Variants in CSNK2A1 observed in about 807,000 individuals in gnomAD.
CSNK2A1 encodes the protein casein kinase 2 alpha 1, also known as casein kinase II subunit alpha.
In CSNK2A1, 10 loss-of-function variants were observed where a neutral mutation model predicts 62.9. That is an observed-to-expected ratio of 0.16 (90% confidence interval 0.10 to 0.27). The LOEUF is 0.27. Ranked by LOEUF, CSNK2A1 falls within the 10% of genes least tolerant of loss-of-function variation. CSNK2A1 has a pLI of 1.00. For missense variants in CSNK2A1, 160 were observed against 492.0 expected (o/e 0.33, Z 6.38); for synonymous variants, 124 against 167.8 (o/e 0.74, Z 2.02).
chr20:543,035 C>A (rs1482872989), intron 1 of CSNK2A1: 1 of 152,370 alleles, frequency 6.6e-6, no homozygotes. Context: ...ATACCCTTAG[C>A]CAAGCTTTCT....
intron 2 of CSNK2A1, among the ~76,000 whole-genome samples, chr20:522,313 C>G (rs556319297): frequency 5.3e-5 from 8 of 152,206 alleles, no homozygotes; most frequent in Admixed American, 2.0e-4. Context: ...ACCTGGCAGA[C>G]TTTACTGAAA....
At chr20:485,066 C>CAAAAAAAAAA (rs1157352244) in intron 13 of CSNK2A1, among the ~76,000 whole-genome samples, 1 of 22,026 alleles carries the variant, frequency 4.5e-5, no homozygotes, top group Non-Finnish European at 7.5e-5. Flanking sequence ...ACCTTGTCTC[C>CAAAAAAAAAA]AAAAAAAAAA....
chr20:495,858 T>G, intron 7 of CSNK2A1, 56 bp from the exon 8 acceptor site: 1 of 1,464,844 alleles, frequency 6.8e-7, no homozygotes, highest in Admixed American at 1.7e-5. Flanking sequence ...AAGAGTCCTT[T>G]ACTTTTCCCT....
At chr20:533,409 T>C (rs949586603) in intron 1 of CSNK2A1, among the ~76,000 whole-genome samples, 1 of 152,194 alleles carries the variant, frequency 6.6e-6, no homozygotes, top group African/African-American at 2.4e-5. Context: ...CTTTTATTCC[T>C]ACATACAAAA....
intron 1 of CSNK2A1, among the ~76,000 whole-genome samples, chr20:531,621 T>C (rs1568565299): frequency 6.6e-6 from 1 of 152,098 alleles, no homozygotes; most frequent in Non-Finnish European, 1.5e-5. Flanking sequence ...ATCTGTAAAC[T>C]CCAGCAAAAT....
chr20:502,637 A>G (rs1215690676), intron 4 of CSNK2A1: 1 of 152,200 alleles, frequency 6.6e-6, no homozygotes, highest in Non-Finnish European at 1.5e-5. Context: ...TACAGTTAGA[A>G]AGACTGAGCT....
At chr20:516,078 A>G (rs902199961) in intron 2 of CSNK2A1, among the ~76,000 whole-genome samples, 16 of 152,250 alleles carry the variant, frequency 1.1e-4, no homozygotes, top group African/African-American at 3.9e-4. Context: ...AGATGGAAAA[A>G]GTGCCTGAGT....
rs2017781536 is a variant in CSNK2A1 at position 472,979 on chromosome 20, G to C, written c.*10982C>G. ...GCTGCGATCACACCACTGCACTTCA[G>C]CCTGGGCAACAGAGCAAGACCTTGT... On this transcript the variant is annotated 3_prime_UTR_variant, in exon 14 of 14. Coordinates refer to ENST00000217244, the MANE Select transcript of CSNK2A1 (RefSeq NM_177559.3). 6.6e-6 allele frequency: 1 copy of C among 152,400 alleles called. No individual in the cohort carries two copies. Among genetic ancestry groups the C allele is most frequent in the Non-Finnish European group, 1.5e-5 (1 of 68,198 alleles). 9.4% of individuals were successfully genotyped at this position (152,400 alleles called of 1,614,324 possible).
At chr20:501,846 A>G (rs1053224774) in intron 4 of CSNK2A1, 3 of 152,212 alleles carry the variant, frequency 2.0e-5, no homozygotes. Context: ...CACAGAACCC[A>G]CCAAGATTCA....
At chr20:497,863 G>C in intron 6 of CSNK2A1, 83 bp from the exon 7 acceptor site, 1 of 1,254,194 alleles carries the variant, frequency 8.0e-7, no homozygotes, top group Non-Finnish European at 1.1e-6. Context: ...TTCAAACCAA[G>C]ACTTGGCTCA....
At chr20:535,317 T>C (rs990722315) in intron 1 of CSNK2A1, among the ~76,000 whole-genome samples, 5 of 152,246 alleles carry the variant, frequency 3.3e-5, no homozygotes, top group African/African-American at 1.2e-4. Context: ...TATTTGACAT[T>C]GATAACCTTC....
intron 2 of CSNK2A1, among the ~76,000 whole-genome samples, chr20:512,208 C>CTTT (rs546700255): frequency 6.9e-6 from 1 of 144,256 alleles, no homozygotes; most frequent in Non-Finnish European, 1.5e-5. Flanking sequence ...TCTTCTTCTT[C>CTTT]TTTTTTTTTT....
intron 1 of CSNK2A1, among the ~76,000 whole-genome samples, chr20:534,750 T>C (rs571836621): frequency 6.6e-6 from 1 of 151,648 alleles, no homozygotes; most frequent in East Asian, 1.9e-4. Flanking sequence ...CAGACCAGGC[T>C]GGGTGCAGTG....
rs985501004 is a variant in CSNK2A1, at chr20:528,027, C to G, written c.-204G>C. ...CATGATTTACCATGTGATGAGCACA[C>G]TGCTTGACAAGCCTTGATAGAGCTA... On this transcript the variant is annotated 5_prime_UTR_variant, in exon 2 of 14. Coordinates refer to ENST00000217244, the MANE Select transcript of CSNK2A1 (RefSeq NM_177559.3). 1.3e-5 allele frequency: 2 copies of G among 152,200 alleles called. No individual in the cohort carries two copies. The highest frequency in any genetic ancestry group is 2.9e-5 in the Non-Finnish European group (2 of 68,038). 9.4% of individuals were successfully genotyped at this position (152,200 alleles called of 1,614,324 possible). A position where few individuals can be genotyped will look rare whatever the true frequency, so the allele number is the denominator to read the frequency against.
chr20:518,546 T>C (rs1401394143), intron 2 of CSNK2A1, among the ~76,000 whole-genome samples: 1 of 152,040 alleles, frequency 6.6e-6, no homozygotes, highest in Non-Finnish European at 1.5e-5. Flanking sequence ...TTTTTATTTT[T>C]ATTATTTTTT....
chr20:520,380 A>C (rs2018920211), intron 2 of CSNK2A1, among the ~76,000 whole-genome samples: 1 of 152,220 alleles, frequency 6.6e-6, no homozygotes, highest in Non-Finnish European at 1.5e-5. Context: ...TAATACATAG[A>C]TCAAGGGAAC....
intron 4 of CSNK2A1, chr20:504,881 G>C (rs2018543537): frequency 2.2e-6 from 1 of 446,460 alleles, no homozygotes; most frequent in African/African-American, 2.0e-5. Context: ...CTGTACCTTT[G>C]CTCCCTTACT....
In CSNK2A1 at chr20:474,967, TA is replaced by T. The variant is rs1568483234; in HGVS notation, c.*8993del. ...TTTTAAACATTTGAACTCTAGCAAA[TA>T]TACTGAGAAGTGCCCCAAACGTAAA... On this transcript the variant is annotated 3_prime_UTR_variant, in exon 14 of 14. Coordinates refer to ENST00000217244, the MANE Select transcript of CSNK2A1 (RefSeq NM_177559.3). 1.3e-5 allele frequency: 2 copies of T among 152,198 alleles called. No individual in the cohort carries two copies. The allele number at this position is 152,198 out of a possible 1,614,324, so 9.4% of individuals were successfully genotyped here. A position where few individuals can be genotyped will look rare whatever the true frequency, so the allele number is the denominator to read the frequency against.
chr20:512,208 CTT>C (rs546700255), intron 2 of CSNK2A1, among the ~76,000 whole-genome samples: 2 of 144,274 alleles, frequency 1.4e-5, no homozygotes, highest in Admixed American at 6.9e-5. Flanking sequence ...TCTTCTTCTT[CTT>C]TTTTTTTTTT....
Sources: gnomAD v4.1 joint callset for allele counts (sites outside exome capture counted in the v4.1 genomes callset) on GRCh38, gnomAD v4.1.1 for gene constraint, MANE v1.5 for transcripts, NCBI Gene and HGNC (gene_info 2026-07-23, HGNC 2026-07-21) for gene names.